THUMPD3: variants seen among roughly 807,000 people sequenced by gnomAD.
The protein encoded by THUMPD3 is tRNA (guanine(6)-N(2))-methyltransferase THUMP3.
THUMPD3 carries 44 observed loss-of-function variants against 54.5 expected under a neutral mutation model. The ratio of observed to expected loss-of-function variants is 0.81; its 90% CI spans 0.63 to 1.04. The LOEUF (loss-of-function observed/expected upper bound fraction) is 1.04, where lower values mean the gene tolerates loss of function less well. THUMPD3 is among the 50% of genes least tolerant of loss of function. The pLI, the probability that THUMPD3 is intolerant of heterozygous loss-of-function variation, is 0.00. For synonymous variants in THUMPD3, 196 were observed against 201.4 expected (o/e 0.97, Z 0.23); for missense variants, 604 against 601.3 (o/e 1.00, Z -0.05).
At chr3:9,372,201 C>T (rs1477833773) in intron 4 of THUMPD3, among the ~76,000 whole-genome samples, 1 of 152,132 alleles carries the variant, frequency 6.6e-6, no homozygotes, top group Non-Finnish European at 1.5e-5. Flanking sequence ...ATTATATGGA[C>T]TTTCATATTA....
At position 9,384,695 on chromosome 3, in the gene THUMPD3, C is replaced by G. The variant is rs761877456; in HGVS notation, c.*7C>G. ...TTGGCAATGCAAAGAATGAAGATGACTAATAGTACTTGTACTTCCCACCAC... is the reference window on the plus strand; with the variant it reads ...TTGGCAATGCAAAGAATGAAGATGAGTAATAGTACTTGTACTTCCCACCAC... On this transcript the variant is annotated 3_prime_UTR_variant, in exon 10 of 10. Transcript: ENST00000452837. 2.5e-6 allele frequency: 4 copies of G among 1,613,956 alleles called. No homozygotes were observed. In the East Asian group the frequency reaches 8.9e-5, roughly 36 times the overall value.
Position 9,371,438 on chromosome 3 carries a change from A to G in THUMPD3, c.709A>G (p.Lys237Glu), listed in dbSNP as rs34448086. Residue 237 changes from lysine (K) to glutamate (E), a missense_variant, in exon 4 of 10, where the codon AAA becomes GAA. Lys to Glu is a moderately conservative substitution (Grantham distance 56, BLOSUM62 1). Transcript: ENST00000452837. ...AGTCACATGCAACAGGGCAGGAGAGAAACATTGCTTTACCTCAAATGAGGC... is the reference window on the plus strand; with the variant it reads ...AGTCACATGCAACAGGGCAGGAGAGGAACATTGCTTTACCTCAAATGAGGC... ...FRVTCNRAGEKHCFTSNEAAR... is the reference protein window; with the variant it reads ...FRVTCNRAGEEHCFTSNEAAR... The G allele has an allele frequency of 3.3e-4, 527 of 1,614,218 alleles. 1 individual carries two copies. The African/African-American group carries it at 5.5e-3, about 17-fold the overall frequency.
intron 2 of THUMPD3, 120 bp from the exon 3 acceptor site, chr3:9,366,788 C>G: frequency 1.4e-6 from 1 of 733,048 alleles, no homozygotes; most frequent in East Asian, 2.9e-5. Context: ...TTTAAAAATA[C>G]AAAATATAGT....
Position 9,371,421 on chromosome 3 carries a change from G to T in THUMPD3, c.692G>T (p.Cys231Phe), listed in dbSNP as rs2125316350. 6.2e-7 allele frequency: 1 copy of T among 1,614,182 alleles called. No individual in the cohort carries two copies. The highest frequency in any genetic ancestry group is 1.6e-4 in the Middle Eastern group (1 of 6,062). The change falls in exon 4 of 10, where the codon TGC (cysteine) becomes TTC (phenylalanine). Residue 231 changes from cysteine (C) to phenylalanine (F), a missense_variant. Physicochemically the swap from Cys to Phe is radical, Grantham distance 205. Coordinates refer to ENST00000452837, the MANE Select transcript of THUMPD3 (RefSeq NM_001114092.2). ...CAAGTGCTGAAGTTTAGAGTCACATGCAACAGGGCAGGAGAGAAACATTGC... is the reference window on the plus strand; with the variant it reads ...CAAGTGCTGAAGTTTAGAGTCACATTCAACAGGGCAGGAGAGAAACATTGC... ...EPQVLKFRVT[C>F]NRAGEKHCFT...
rs779602979 is a variant in THUMPD3 at position 9,369,309 on chromosome 3, C to CAAA, written c.331-1729_331-1727dup. Reference sequence around the variant, plus strand: ...TGGGCAACAGAGCAAGACTCCGTCTCAAAAAAAAAAAAAAAAAAAAAAAAG... The same window carrying CAAA: ...TGGGCAACAGAGCAAGACTCCGTCTCAAAAAAAAAAAAAAAAAAAAAAAAAAAG... On this transcript the variant is annotated intron_variant, in intron 3 of 9. Transcript: ENST00000452837. Among the ~76,000 whole-genome samples the CAAA allele has an allele frequency of 7.9e-3, 478 of 60,228 alleles. 6 individuals carry two copies. The highest frequency in any genetic ancestry group is 0.026 in the Middle Eastern group (2 of 78). The allele number at this position is 60,228 out of a possible 152,430, so 39.5% of individuals were successfully genotyped here. A position where few individuals can be genotyped will look rare whatever the true frequency, so the allele number is the denominator to read the frequency against.
At chr3:9,372,333 T>C (rs1202554343) in intron 4 of THUMPD3, among the ~76,000 whole-genome samples, 4 of 152,102 alleles carry the variant, frequency 2.6e-5, no homozygotes, top group African/African-American at 9.7e-5. Flanking sequence ...CCCAGCACTT[T>C]GGGAGGGAGG....
At chr3:9,381,854 A>C (rs1350048101) in intron 7 of THUMPD3, among the ~76,000 whole-genome samples, 1 of 128,382 alleles carries the variant, frequency 7.8e-6, no homozygotes, top group Non-Finnish European at 1.5e-5. Context: ...ATCTCGGCTC[A>C]CTGCAAGCTC....
intron 9 of THUMPD3, 56 bp from the exon 10 acceptor site, chr3:9,384,468 A>G (rs2033182238): frequency 6.2e-7 from 1 of 1,609,874 alleles, no homozygotes; most frequent in Non-Finnish European, 8.5e-7. Context: ...TAAGAATCCT[A>G]GTTGATGTAA....
chr3:9,382,648 C>A (rs1336886047), intron 7 of THUMPD3, among the ~76,000 whole-genome samples: 1 of 152,160 alleles, frequency 6.6e-6, no homozygotes, highest in Non-Finnish European at 1.5e-5. Flanking sequence ...TTTGTATCAT[C>A]GGTTATGTAA....
At chr3:9,363,156 G>A (rs977427563) in intron 1 of THUMPD3, 29 bp downstream of exon 1, 4 of 152,534 alleles carry the variant, frequency 2.6e-5, no homozygotes, top group African/African-American at 9.6e-5. Context: ...GAACGGCCGA[G>A]TGTGGCTCTT....
In THUMPD3 at chr3:9,384,904, A is replaced by G; in HGVS notation, c.*216A>G. On this transcript the variant is annotated 3_prime_UTR_variant, in exon 10 of 10. Transcript: ENST00000452837. ...CTCACGACTGTAATTCCAGCAGTTTAGGAAGCCGAAGTGTGCAGATCACCT... is the reference window on the plus strand; with the variant it reads ...CTCACGACTGTAATTCCAGCAGTTTGGGAAGCCGAAGTGTGCAGATCACCT... 1.5e-5 allele frequency: 8 copies of G among 536,738 alleles called. No homozygotes were observed. The highest frequency in any genetic ancestry group is 2.6e-5 in the Non-Finnish European group (8 of 305,308). The allele number at this position is 536,738 out of a possible 1,614,324, so 33.2% of individuals were successfully genotyped here.
chr3:9,378,934 C>G (rs1329999637), intron 6 of THUMPD3, among the ~76,000 whole-genome samples: 1 of 151,936 alleles, frequency 6.6e-6, no homozygotes, highest in Non-Finnish European at 1.5e-5. Flanking sequence ...TCAAGAAATA[C>G]ACAACAGAGC....
At position 9,386,789 on chromosome 3, in the gene THUMPD3, G is replaced by T. The variant is rs1436703894; in HGVS notation, c.*2101G>T. The T allele has an allele frequency of 2.0e-5, 3 of 152,152 alleles. No homozygotes were observed. Among genetic ancestry groups the T allele is most frequent in the Admixed American group, 2.0e-4 (3 of 15,272 alleles). The allele number at this position is 152,152 out of a possible 1,614,324, so 9.4% of individuals were successfully genotyped here. ...GAAATAAATCTGTAATCTGAACATG[G>T]AATGACTTAGTTACAGACCAGACAT... On this transcript the variant is annotated 3_prime_UTR_variant, in exon 10 of 10. Transcript: ENST00000452837.
Position 9,371,518 on chromosome 3 carries a change from G to T in THUMPD3, c.789G>T (p.Met263Ile). The T allele has an allele frequency of 1.9e-6, 3 of 1,612,850 alleles. No homozygotes were observed. The South Asian group carries it at 3.3e-5, about 18-fold the overall frequency. ...VQDYFKWKADMTNFDVEVLLN... is the reference protein window; with the variant it reads ...VQDYFKWKADITNFDVEVLLN... The stretch of plus-strand genomic sequence containing the variant: ...ATTATTTTAAGTGGAAGGCCGACAT[G>T]ACCAACTTTGATGTGGAGGTAGGTA... The change falls in exon 4 of 10, where the codon ATG (methionine) becomes ATT (isoleucine). Residue 263 changes from methionine (M) to isoleucine (I), a missense_variant. Met to Ile is a conservative substitution (Grantham distance 10). Coordinates refer to ENST00000452837, the MANE Select transcript of THUMPD3 (RefSeq NM_001114092.2).
Position 9,365,315 on chromosome 3 carries a change from G to T in THUMPD3, c.247G>T (p.Ala83Ser), listed in dbSNP as rs1454170813. ...IYFVISVESL[A>S]QVHCLRSVDN... ...TTTTGTCATTTCAGTGGAAAGTCTGGCACAGGTTTGAATGGAGCAATATTT... is the reference window on the plus strand; with the variant it reads ...TTTTGTCATTTCAGTGGAAAGTCTGTCACAGGTTTGAATGGAGCAATATTT... The change falls in exon 2 of 10, where the codon GCA becomes TCA. Residue 83 changes from alanine (A) to serine (S), a missense_variant. Ala to Ser is a moderately conservative substitution (Grantham distance 99). Coordinates refer to ENST00000452837, the MANE Select transcript of THUMPD3 (RefSeq NM_001114092.2). 8 of 1,614,148 alleles carry T rather than the reference G, an allele frequency of 5.0e-6. No individual in the cohort carries two copies. Among genetic ancestry groups the T allele is most frequent in the Non-Finnish European group, 6.8e-6 (8 of 1,180,026 alleles).
intron 4 of THUMPD3, among the ~76,000 whole-genome samples, chr3:9,372,122 T>C (rs1372556419): frequency 2.6e-5 from 4 of 152,236 alleles, no homozygotes; most frequent in African/African-American, 7.2e-5. Flanking sequence ...TCTGCCTGTC[T>C]TGGCCTCCCA....
At position 9,377,805 on chromosome 3, in the gene THUMPD3, T is replaced by A; in HGVS notation, c.939-14T>A. ...TTGAGTGAGTCTTCACATAGGCTGT[T>A]TTCTTTTCTCTAGGCTCTGTGATCC... On this transcript the variant is annotated splice_polypyrimidine_tract_variant and intron_variant, in intron 5 of 9. Transcript: ENST00000452837. 2 of 1,612,192 alleles carry A rather than the reference T, an allele frequency of 1.2e-6. No homozygotes were observed. Among genetic ancestry groups the A allele is most frequent in the Middle Eastern group, 1.7e-4 (1 of 6,042 alleles).
chr3:9,380,379 C>T, intron 6 of THUMPD3, 124 bp from the exon 7 acceptor site: 1 of 631,780 alleles, frequency 1.6e-6, no homozygotes, highest in Non-Finnish European at 2.7e-6. Context: ...AGGGAAATAG[C>T]ACAGTTGACA....
intron 6 of THUMPD3, 87 bp from the exon 7 acceptor site, chr3:9,380,416 A>G (rs934002368): frequency 3.8e-5 from 34 of 899,310 alleles, no homozygotes; most frequent in Admixed American, 4.6e-5. Context: ...CACTCTAGAA[A>G]AGCACTGGAT....
Sources: allele counts gnomAD v4.1 joint callset (sites outside exome capture counted in the v4.1 genomes callset), GRCh38; gene constraint gnomAD v4.1.1; transcripts MANE v1.5; gene names NCBI Gene and HGNC (gene_info 2026-07-23, HGNC 2026-07-21).